KCNJ16: variants seen among roughly 807,000 people sequenced by gnomAD.
KCNJ16 encodes inward rectifier potassium channel 16.
A neutral mutation model predicts 18.5 loss-of-function variants in KCNJ16; 15 were observed. That is an observed-to-expected ratio of 0.81 (90% CI 0.54 to 1.25). The LOEUF (loss-of-function observed/expected upper bound fraction) is 1.25. Among genes scored for constraint, KCNJ16 ranks in the 50% most tolerant of loss-of-function variants. The pLI, the probability that KCNJ16 is intolerant of heterozygous loss-of-function variation, is 0.00. For missense variants in KCNJ16, 523 were observed against 525.7 expected (o/e 0.99, Z 0.05); for synonymous variants, 174 against 186.5 (o/e 0.93, Z 0.55).
chr17:70,131,707 T>A (rs2144292575), intron 3 of KCNJ16, among the ~76,000 whole-genome samples: 1 of 152,350 alleles, frequency 6.6e-6, no homozygotes, highest in East Asian at 1.9e-4. Context: ...AAGCAGATTT[T>A]TTTTTATATC....
rs534566338 is a variant in KCNJ16 at position 70,094,322 on chromosome 17, T to C, written c.-299-6336T>C. 2.6e-5 allele frequency among the ~76,000 whole-genome samples: 4 copies of C among 152,316 alleles called. No homozygotes were observed. The South Asian group carries it at 6.2e-4, about 24-fold the overall frequency. ...GGCCAAGACTGTCTTTAGGTCTTTA[T>C]TTTCATGGCAGGAATAGCAATAGTT... On this transcript the variant is annotated intron_variant, in intron 1 of 3. Coordinates refer to ENST00000392671, the MANE Select transcript of KCNJ16 (RefSeq NM_170741.4).
chr17:70,080,686 G>A (rs1377762079), intron 1 of KCNJ16, among the ~76,000 whole-genome samples: 1 of 152,080 alleles, frequency 6.6e-6, no homozygotes, highest in Non-Finnish European at 1.5e-5. Flanking sequence ...AGTTGGCTCT[G>A]CCCCAGAAAA....
chr17:70,084,560 T>G (rs1301999448), intron 1 of KCNJ16, among the ~76,000 whole-genome samples: 1 of 152,230 alleles, frequency 6.6e-6, no homozygotes, highest in Non-Finnish European at 1.5e-5. Flanking sequence ...AGGAATCCAT[T>G]CATGGTAGAC....
intron 2 of KCNJ16, among the ~76,000 whole-genome samples, chr17:70,121,239 G>A (rs571887799): frequency 2.0e-5 from 3 of 152,306 alleles, no homozygotes; most frequent in Admixed American, 2.0e-4. Context: ...TGCATCTGTT[G>A]TCCCACAGAA....
At chr17:70,080,826 A>G (rs1225723242) in intron 1 of KCNJ16, among the ~76,000 whole-genome samples, 1 of 152,220 alleles carries the variant, frequency 6.6e-6, no homozygotes, top group Non-Finnish European at 1.5e-5. Flanking sequence ...AATCTAAAGT[A>G]AGCTCACAAA....
At chr17:70,083,712 CATT>C (rs1429892266) in intron 1 of KCNJ16, among the ~76,000 whole-genome samples, 4 of 151,932 alleles carry the variant, frequency 2.6e-5, no homozygotes, top group Non-Finnish European at 5.9e-5. Flanking sequence ...AATATATCCT[CATT>C]GTTAAGTGAC....
chr17:70,117,905 ACT>A, intron 2 of KCNJ16, among the ~76,000 whole-genome samples: 1 of 152,226 alleles, frequency 6.6e-6, no homozygotes, highest in South Asian at 2.1e-4. Flanking sequence ...GGTGTGGCAA[ACT>A]CTTCTGTAAA....
chr17:70,133,145 T>C lies in KCNJ16; in HGVS notation c.1058T>C (p.Ile353Thr), dbSNP rs1429892056. 1 of 1,614,138 alleles carries C rather than the reference T, an allele frequency of 6.2e-7. No individual in the cohort carries two copies. The highest frequency in any genetic ancestry group is 1.1e-5 in the South Asian group (1 of 91,078). ...QLDWKDQQLH[I>T]EKAPPVRESC... ...GACTGGAAAGACCAGCAGCTCCACA[T>C]AGAAAAAGCACCACCAGTTCGAGAA... is the stretch of plus-strand genomic sequence containing the variant. Residue 353 changes from isoleucine (I) to threonine (T), a missense_variant, in exon 4 of 4, where the codon ATA (isoleucine) becomes ACA (threonine). By Grantham distance (89) the Ile-to-Thr change is moderately conservative. Transcript: ENST00000392671.
rs2073862923 is a variant in KCNJ16 at position 70,126,555 on chromosome 17, T to C, written c.-190-4324T>C. ...TGGTGACATAGGTATCATAACCTTA[T>C]TTCATGAATTAGTACCATGAGGCTC... On this transcript the variant is annotated intron_variant, in intron 2 of 3. Transcript: ENST00000392671. 2.0e-5 allele frequency among the ~76,000 whole-genome samples: 3 copies of C among 152,330 alleles called. No individual in the cohort carries two copies. In the East Asian group the frequency reaches 5.8e-4, roughly 29 times the overall value.
At chr17:70,090,801 C>A (rs1275882491) in intron 1 of KCNJ16, among the ~76,000 whole-genome samples, 5 of 152,022 alleles carry the variant, frequency 3.3e-5, no homozygotes, top group South Asian at 2.1e-4. Context: ...ATACCGCTAA[C>A]CCACTTAGAT....
In KCNJ16 at chr17:70,132,174, G is replaced by A. The variant is rs1192482162; in HGVS notation, c.87G>A (p.Lys29=). ...CGCCAGAGCACATTATAGCTGAGAA[G>A]AGAAGAGCAAGAAGACGATTACTTC... ...GYPPEHIIAE[K]RRARRRLLHK... Residue 29 remains lysine (K), a synonymous_variant, in exon 4 of 4, where the codon AAG becomes AAA. Transcript: ENST00000392671. The A allele has an allele frequency of 6.2e-7, 1 of 1,614,220 alleles. No homozygotes were observed. Among genetic ancestry groups the A allele is most frequent in the South Asian group, 1.1e-5 (1 of 91,080 alleles).
rs556315478 is a variant in KCNJ16, at chr17:70,096,165, G to A, written c.-299-4493G>A. Among the ~76,000 whole-genome samples, 378 of 152,176 alleles carry A rather than the reference G, an allele frequency of 2.5e-3. 4 individuals carry two copies. The highest frequency in any genetic ancestry group is 8.7e-3 in the African/African-American group (360 of 41,510). ...CCCAAAGTGCTGGGATTACAGGCAT[G>A]AGCCACCGCACCCAGCCTACTCAAT... is the stretch of plus-strand genomic sequence containing the variant. On this transcript the variant is annotated intron_variant, in intron 1 of 3. Coordinates refer to ENST00000392671, the MANE Select transcript of KCNJ16 (RefSeq NM_170741.4).
intron 2 of KCNJ16, among the ~76,000 whole-genome samples, chr17:70,125,887 G>T (rs534463172): frequency 6.6e-6 from 1 of 151,834 alleles, no homozygotes; most frequent in Admixed American, 6.6e-5. Context: ...AGCCGAGATC[G>T]CACCACTGTG....
In KCNJ16 at chr17:70,132,393, A is replaced by G. The variant is rs1206885861; in HGVS notation, c.306A>G (p.Leu102=). 20 of 1,614,074 alleles carry G rather than the reference A, an allele frequency of 1.2e-5. No homozygotes were observed. The highest frequency in any genetic ancestry group is 1.6e-4 in the Middle Eastern group (1 of 6,084). ...FWLIAFHHGD[L]LNDPDITPCV... ...TCATAGCCTTTCATCATGGCGATCT[A>G]TTAAATGATCCAGACATCACACCTT... Residue 102 remains leucine (L), a synonymous_variant, in exon 4 of 4, where the codon CTA becomes CTG. Transcript: ENST00000392671.
intron 1 of KCNJ16, among the ~76,000 whole-genome samples, chr17:70,089,937 T>C (rs2072008300): frequency 2.0e-5 from 3 of 152,246 alleles, no homozygotes; most frequent in Admixed American, 6.5e-5. Context: ...TATGCACTGC[T>C]GCTTTGAAAG....
chr17:70,111,059 T>C (rs2073164726), intron 2 of KCNJ16, among the ~76,000 whole-genome samples: 2 of 152,144 alleles, frequency 1.3e-5, no homozygotes, highest in South Asian at 2.1e-4. Context: ...AACCCTGGTG[T>C]CTGGAGTTGC....
intron 1 of KCNJ16, among the ~76,000 whole-genome samples, chr17:70,095,870 C>CTTTTTTTTT (rs147216245): frequency 1.0e-5 from 1 of 95,388 alleles, no homozygotes; most frequent in Non-Finnish European, 2.0e-5. Flanking sequence ...TTACTTAATC[C>CTTTTTTTTT]TTTTTTTTTT....
intron 2 of KCNJ16, among the ~76,000 whole-genome samples, chr17:70,104,608 G>A (rs867956871): frequency 1.1e-3 from 174 of 152,342 alleles, no homozygotes; most frequent in African/African-American, 4.1e-3. Context: ...GTGTCAGTAA[G>A]AGAAAATGCA....
At chr17:70,107,189 T>G (rs906908424) in intron 2 of KCNJ16, among the ~76,000 whole-genome samples, 2 of 152,234 alleles carry the variant, frequency 1.3e-5, no homozygotes, top group Non-Finnish European at 2.9e-5. Context: ...TGAGTTCACA[T>G]AGGCAAATGT....
Sources: allele counts gnomAD v4.1 joint callset (sites outside exome capture counted in the v4.1 genomes callset), GRCh38; gene constraint gnomAD v4.1.1; transcripts MANE v1.5; gene names NCBI Gene and HGNC (gene_info 2026-07-23, HGNC 2026-07-21).